FRAS1: variants seen among roughly 807,000 people sequenced by gnomAD.
The protein encoded by FRAS1 is Fraser extracellular matrix complex subunit 1.
In FRAS1, 290 loss-of-function variants were observed where a neutral mutation model predicts 435.2. That is an observed-to-expected ratio of 0.67 (90% CI 0.61 to 0.73). The LOEUF (loss-of-function observed/expected upper bound fraction) is 0.73, where lower values mean the gene tolerates loss of function less well. Among genes scored for constraint, FRAS1 ranks in the 30% least tolerant of loss-of-function variants. The pLI is 0.00. For missense variants in FRAS1, 4,860 were observed against 5,001.5 expected, an observed-to-expected ratio of 0.97 and a Z score of 0.85; for synonymous variants, 1,800 against 1,851.0, an observed-to-expected ratio of 0.97 and a Z score of 0.71.
At chr4:78,091,750 T>G (rs1405027595) in intron 2 of FRAS1, among the ~76,000 whole-genome samples, 3 of 151,914 alleles carry the variant, frequency 2.0e-5, no homozygotes, top group African/African-American at 7.3e-5. Flanking sequence ...CCGGAGCTCC[T>G]GGATGCAAGT....
intron 3 of FRAS1, 48 bp downstream of exon 3, chr4:78,237,665 G>C (rs777750315): frequency 9.3e-7 from 1 of 1,077,604 alleles, no homozygotes; most frequent in Non-Finnish European, 1.3e-6. Flanking sequence ...AGTCAGTGAA[G>C]GGTCAGGTTT....
intron 47 of FRAS1, among the ~76,000 whole-genome samples, chr4:78,455,130 C>A (rs1719148836): frequency 6.6e-6 from 1 of 152,188 alleles, no homozygotes; most frequent in Non-Finnish European, 1.5e-5. Context: ...GGGCCCCTCC[C>A]CGTGGCTAAT....
Position 78,511,526 on chromosome 4 carries a change from C to G in FRAS1, c.10013+20C>G. On this transcript the variant is annotated intron_variant, in intron 64 of 73. Coordinates refer to ENST00000512123, the MANE Select transcript of FRAS1 (RefSeq NM_025074.7). ...GAACAGGTCAGGCAGGTGGTGCCTT[C>G]CACCACACATAGATTGAAGTGAATC... 1 of 1,533,600 alleles carries G rather than the reference C, an allele frequency of 6.5e-7. No individual in the cohort carries two copies. The highest frequency in any genetic ancestry group is 9.0e-7 in the Non-Finnish European group (1 of 1,110,072). 95.0% of individuals were successfully genotyped at this position (1,533,600 alleles called of 1,614,324 possible). A position where few individuals can be genotyped will look rare whatever the true frequency, so the allele number is the denominator to read the frequency against.
intron 58 of FRAS1, among the ~76,000 whole-genome samples, chr4:78,487,170 G>T (rs530763861): frequency 7.9e-5 from 12 of 152,246 alleles, no homozygotes; most frequent in African/African-American, 2.6e-4. Context: ...ATTTCACTGG[G>T]TTACGGAGCC....
At chr4:78,081,512 C>G (rs1423981381) in intron 2 of FRAS1, among the ~76,000 whole-genome samples, 1 of 152,098 alleles carries the variant, frequency 6.6e-6, no homozygotes, top group Non-Finnish European at 1.5e-5. Flanking sequence ...CCCTATCCAG[C>G]CTCTCAGAGC....
At chr4:78,163,276 T>C (rs1309864536) in intron 2 of FRAS1, among the ~76,000 whole-genome samples, 1 of 152,228 alleles carries the variant, frequency 6.6e-6, no homozygotes, top group Non-Finnish European at 1.5e-5. Flanking sequence ...AGATTGTAGA[T>C]ATACAACTCC....
chr4:78,114,832 G>A (rs1242603361), intron 2 of FRAS1, among the ~76,000 whole-genome samples: 1 of 152,176 alleles, frequency 6.6e-6, no homozygotes, highest in African/African-American at 2.4e-5. Flanking sequence ...TCCTTCTCCT[G>A]CCTGATTGCC....
rs548280291 is a variant in FRAS1, at chr4:78,180,770, T to G, written c.109-56740T>G. ...TGTGAATGGTATGAATGACAGTCTT[T>G]TTTTTTTTTTAATTTGTCATTTGGA... On this transcript the variant is annotated intron_variant, in intron 2 of 73. Coordinates refer to ENST00000512123, the MANE Select transcript of FRAS1 (RefSeq NM_025074.7). 4.1e-6 allele frequency: 4 copies of G among 978,790 alleles called. No individual in the cohort carries two copies. The East Asian group carries it at 1.0e-4, about 26-fold the overall frequency. The allele number at this position is 978,790 out of a possible 1,614,324, so 60.6% of individuals were successfully genotyped here.
intron 35 of FRAS1, 85 bp from the exon 36 acceptor site, chr4:78,429,010 G>T: frequency 7.0e-7 from 1 of 1,427,892 alleles, no homozygotes; most frequent in South Asian, 1.3e-5. Context: ...AAGAGGACCA[G>T]ACTACAAGTT....
Position 78,522,646 on chromosome 4 carries a change from T to C in FRAS1, c.10649-3T>C, listed in dbSNP as rs1438776449. 7.5e-6 allele frequency: 12 copies of C among 1,597,342 alleles called. No homozygotes were observed. The highest frequency in any genetic ancestry group is 1.3e-5 in the African/African-American group (1 of 74,554). On this transcript the variant is annotated splice_region_variant and splice_polypyrimidine_tract_variant and intron_variant, in intron 68 of 73. Transcript: ENST00000512123. ...TAAATGCATGTGTTTCCCCTTCAAA[T>C]AGGACAGTTTGTGATGGAGCATCAC...
At chr4:78,322,105 T>G (rs1179043655) in intron 18 of FRAS1, among the ~76,000 whole-genome samples, 1 of 152,216 alleles carries the variant, frequency 6.6e-6, no homozygotes, top group Non-Finnish European at 1.5e-5. Flanking sequence ...TGCCTAAGAT[T>G]CCATTGGGAA....
intron 28 of FRAS1, among the ~76,000 whole-genome samples, chr4:78,385,006 T>G (rs1732168823): frequency 6.6e-6 from 1 of 152,036 alleles, no homozygotes; most frequent in Non-Finnish European, 1.5e-5. Flanking sequence ...TTAGAGAATA[T>G]TATTAAGGAT....
chr4:78,477,508 C>T (rs77490623), intron 54 of FRAS1, among the ~76,000 whole-genome samples: 1,737 of 152,204 alleles, frequency 0.011, 30 homozygotes, highest in African/African-American at 0.04. Flanking sequence ...TGTTGCTGCC[C>T]CAAGTGAGAT....
intron 2 of FRAS1, among the ~76,000 whole-genome samples, chr4:78,227,014 G>A (rs756373882): frequency 2.0e-5 from 3 of 151,992 alleles, no homozygotes; most frequent in Non-Finnish European, 4.4e-5. Context: ...CCATTTAATT[G>A]CGTTTGTAGA....
intron 2 of FRAS1, among the ~76,000 whole-genome samples, chr4:78,212,073 A>G (rs1723537387): frequency 6.6e-6 from 1 of 152,216 alleles, no homozygotes; most frequent in South Asian, 2.1e-4. Context: ...ATGTATGTAT[A>G]TATATACACA....
intron 2 of FRAS1, among the ~76,000 whole-genome samples, chr4:78,158,151 G>T (rs1278496838): frequency 2.0e-5 from 3 of 152,034 alleles, no homozygotes; most frequent in Non-Finnish European, 2.9e-5. Flanking sequence ...GATTGCTTTT[G>T]CTATTTGGGT....
chr4:78,059,887 G>GGGGGGCGGGGGC (rs55970025), intron 1 of FRAS1, among the ~76,000 whole-genome samples: 3 of 132,756 alleles, frequency 2.3e-5, no homozygotes, highest in Non-Finnish European at 4.8e-5. Flanking sequence ...GGGTAGAGAC[G>GGGGGGCGGGGGC]GGGGGCGGGG....
chr4:78,251,538 A>G (rs1319178309), intron 4 of FRAS1, among the ~76,000 whole-genome samples: 2 of 152,132 alleles, frequency 1.3e-5, no homozygotes, highest in South Asian at 2.1e-4. Flanking sequence ...TGTTCATCTT[A>G]TAGCTGGAAG....
intron 2 of FRAS1, among the ~76,000 whole-genome samples, chr4:78,196,947 T>G (rs910725780): frequency 6.6e-6 from 1 of 152,126 alleles, no homozygotes; most frequent in African/African-American, 2.4e-5. Flanking sequence ...TTGGTTGCAA[T>G]GCAGGGAAGT....
Sources: allele counts gnomAD v4.1 joint callset (sites outside exome capture counted in the v4.1 genomes callset), GRCh38; gene constraint gnomAD v4.1.1; transcripts MANE v1.5; gene names NCBI Gene and HGNC (gene_info 2026-07-23, HGNC 2026-07-21).